Variants in MDFIC observed in about 807,000 individuals in gnomAD.
MDFIC encodes the protein MyoD family inhibitor domain containing.
In MDFIC, 17 loss-of-function variants were observed where a neutral mutation model predicts 23.2. That is an observed-to-expected ratio of 0.73 (90% CI 0.50 to 1.10). The LOEUF (loss-of-function observed/expected upper bound fraction) is 1.10, where lower values mean the gene tolerates loss of function less well. MDFIC is among the 50% of genes least tolerant of loss of function. The pLI, the probability that MDFIC is intolerant of heterozygous loss-of-function variation, is 0.00. For synonymous variants in MDFIC, 120 were observed against 115.2 expected (o/e 1.04, Z -0.27); for missense variants, 356 against 316.6 (o/e 1.12, Z -0.95).
chr7:114,990,202 AAG>A lies in MDFIC; in HGVS notation c.493+10422_493+10423del, dbSNP rs973510636. Reference sequence around the variant, plus strand: ...AGGTTAAAGCTTAATCTATAATAAAAAGGAGTTTTGATTAATTGTGATAATCT... The same window carrying A: ...AGGTTAAAGCTTAATCTATAATAAAAGAGTTTTGATTAATTGTGATAATCT... On this transcript the variant is annotated intron_variant, in intron 4 of 4. Coordinates refer to ENST00000393486, the MANE Select transcript of MDFIC (RefSeq NM_001166345.3). 1.6e-4 allele frequency among the ~76,000 whole-genome samples: 25 copies of A among 152,328 alleles called. No homozygotes were observed. In the East Asian group the frequency reaches 4.8e-3, roughly 29 times the overall value.
chr7:114,936,356 G>A (rs1039184960), intron 2 of MDFIC, among the ~76,000 whole-genome samples: 27 of 152,048 alleles, frequency 1.8e-4, no homozygotes, highest in African/African-American at 5.6e-4. Context: ...AACATTCTCA[G>A]GTTCTTCTGT....
At chr7:114,925,762 T>C (rs1484588477) in intron 2 of MDFIC, among the ~76,000 whole-genome samples, 2 of 152,176 alleles carry the variant, frequency 1.3e-5, no homozygotes, top group African/African-American at 4.8e-5. Flanking sequence ...ATCCAGATTT[T>C]TATGTATCAT....
chr7:114,974,428 T>A (rs1022736156), intron 3 of MDFIC, among the ~76,000 whole-genome samples: 1 of 152,104 alleles, frequency 6.6e-6, no homozygotes, highest in Admixed American at 6.6e-5. Context: ...TTACACCAAG[T>A]CATTTTCCCC....
At chr7:114,930,873 T>A (rs185519797) in intron 2 of MDFIC, among the ~76,000 whole-genome samples, 36 of 152,374 alleles carry the variant, frequency 2.4e-4, no homozygotes, top group Non-Finnish European at 4.0e-4. Flanking sequence ...TTTCTACTTC[T>A]AAAAGCATTC....
rs535904948 is a variant in MDFIC, at chr7:114,992,958, A to T, written c.493+13177A>T. On this transcript the variant is annotated intron_variant, in intron 4 of 4. Coordinates refer to ENST00000393486, the MANE Select transcript of MDFIC (RefSeq NM_001166345.3). ...CCTCCTTGTGCCTCTAGTAGAGGGT[A>T]GAGCTGTGAATCCGTCTGGTCCTGG... is the stretch of plus-strand genomic sequence containing the variant. 4.6e-5 allele frequency among the ~76,000 whole-genome samples: 7 copies of T among 152,126 alleles called. No individual in the cohort carries two copies. In the East Asian group the frequency reaches 5.8e-4, roughly 13 times the overall value.
At position 114,926,164 on chromosome 7, in the gene MDFIC, G is replaced by T. The variant is rs183324576; in HGVS notation, c.94+3037G>T. ...TTGCCCTTTGGTGCAATAGTTACTA[G>T]AACTCCTATAATCCAAAGAGCCTTT... On this transcript the variant is annotated intron_variant, in intron 2 of 4. Coordinates refer to ENST00000393486, the MANE Select transcript of MDFIC (RefSeq NM_001166345.3). 2.4e-4 allele frequency among the ~76,000 whole-genome samples: 36 copies of T among 152,266 alleles called. No homozygotes were observed. In the East Asian group the frequency reaches 3.9e-3, roughly 16 times the overall value.
chr7:114,928,267 T>G (rs1432268665), intron 2 of MDFIC, among the ~76,000 whole-genome samples: 2 of 151,978 alleles, frequency 1.3e-5, no homozygotes, highest in East Asian at 1.9e-4. Flanking sequence ...TCTGTAAATT[T>G]AAGAAAGCAT....
chr7:115,019,110 A>G lies in MDFIC; in HGVS notation c.*3175A>G, dbSNP rs1562833240. The G allele has an allele frequency of 1.3e-5, 2 of 152,044 alleles. No individual in the cohort carries two copies. The highest frequency in any genetic ancestry group is 3.9e-4 in the East Asian group (2 of 5,188). The allele number at this position is 152,044 out of a possible 1,614,324, so 9.4% of individuals were successfully genotyped here. A position where few individuals can be genotyped will look rare whatever the true frequency, so the allele number is the denominator to read the frequency against. On this transcript the variant is annotated 3_prime_UTR_variant, in exon 5 of 5. Coordinates refer to ENST00000393486, the MANE Select transcript of MDFIC (RefSeq NM_001166345.3). ...TAAGGTAATTTTACAATATATGCTGAGATTAAAAACCAAGGTAAAAATGAT... is the reference window on the plus strand; with the variant it reads ...TAAGGTAATTTTACAATATATGCTGGGATTAAAAACCAAGGTAAAAATGAT...
At chr7:114,937,201 T>C (rs1470855668) in intron 2 of MDFIC, among the ~76,000 whole-genome samples, 2 of 152,192 alleles carry the variant, frequency 1.3e-5, no homozygotes. Context: ...GAATTGAGAT[T>C]GGAGAAGATT....
At chr7:114,961,591 C>T (rs928960104) in intron 3 of MDFIC, among the ~76,000 whole-genome samples, 2 of 152,164 alleles carry the variant, frequency 1.3e-5, no homozygotes, top group Admixed American at 6.5e-5. Context: ...GTATAGTTTT[C>T]TCATGCATAT....
At chr7:114,963,217 A>G (rs1793028946) in intron 3 of MDFIC, among the ~76,000 whole-genome samples, 1 of 152,228 alleles carries the variant, frequency 6.6e-6, no homozygotes, top group South Asian at 2.1e-4. Flanking sequence ...TATTTGGAAG[A>G]CTATTGCTGG....
At chr7:114,975,736 T>C (rs1585109963) in intron 3 of MDFIC, among the ~76,000 whole-genome samples, 1 of 152,236 alleles carries the variant, frequency 6.6e-6, no homozygotes, top group East Asian at 1.9e-4. Flanking sequence ...GTCATACCCA[T>C]AAATAATTAA....
chr7:114,963,029 T>C (rs1235046120), intron 3 of MDFIC, among the ~76,000 whole-genome samples: 1 of 152,240 alleles, frequency 6.6e-6, no homozygotes, highest in African/African-American at 2.4e-5. Flanking sequence ...CAAATTGTGG[T>C]TGTATTTTAC....
intron 2 of MDFIC, among the ~76,000 whole-genome samples, chr7:114,934,593 G>T (rs1386073202): frequency 1.3e-5 from 2 of 152,078 alleles, no homozygotes; most frequent in African/African-American, 4.8e-5. Context: ...TATACCATAA[G>T]CTTCTAAATA....
chr7:115,004,852 T>C (rs1018781527), intron 4 of MDFIC, among the ~76,000 whole-genome samples: 1 of 152,234 alleles, frequency 6.6e-6, no homozygotes, highest in Admixed American at 6.5e-5. Context: ...TTGGCCATTA[T>C]TTATATGAAG....
rs77275082 is a variant in MDFIC, at chr7:115,000,612, T to C, written c.494-15076T>C. 5.9e-5 allele frequency among the ~76,000 whole-genome samples: 9 copies of C among 152,318 alleles called. No homozygotes were observed. The East Asian group carries it at 1.7e-3, about 29-fold the overall frequency. ...TTCATAATGCAGAGAACACAGATTT[T>C]TTTTGAACAGCTTCTTTTTGCTTAC... On this transcript the variant is annotated intron_variant, in intron 4 of 4. Transcript: ENST00000393486.
intron 2 of MDFIC, among the ~76,000 whole-genome samples, chr7:114,932,980 A>G (rs1792345390): frequency 6.6e-6 from 1 of 152,222 alleles, no homozygotes. Flanking sequence ...GACTCAAAGC[A>G]TAACTCTGAA....
At chr7:114,970,867 A>G (rs911653027) in intron 3 of MDFIC, among the ~76,000 whole-genome samples, 6 of 152,166 alleles carry the variant, frequency 3.9e-5, no homozygotes, top group African/African-American at 1.4e-4. Context: ...ACATGTGTGA[A>G]TTGCATAAAG....
At chr7:114,931,008 T>G (rs1301296138) in intron 2 of MDFIC, among the ~76,000 whole-genome samples, 1 of 152,216 alleles carries the variant, frequency 6.6e-6, no homozygotes, top group Non-Finnish European at 1.5e-5. Context: ...ATCAGTGCTA[T>G]GTATATGCAC....
Sources: gnomAD v4.1 joint callset for allele counts (sites outside exome capture counted in the v4.1 genomes callset) on GRCh38, gnomAD v4.1.1 for gene constraint, MANE v1.5 for transcripts, NCBI Gene and HGNC (gene_info 2026-07-23, HGNC 2026-07-21) for gene names.